The following GALNTL6 variants were observed in gnomAD, a reference collection of about 807,000 sequenced individuals.
The protein encoded by GALNTL6 is polypeptide N-acetylgalactosaminyltransferase like 6.
In GALNTL6, 46 loss-of-function variants were observed where a neutral mutation model predicts 73.7. The ratio of observed to expected loss-of-function variants is 0.62; its 90% CI spans 0.49 to 0.80. The LOEUF (loss-of-function observed/expected upper bound fraction) is 0.80, where lower values mean the gene tolerates loss of function less well. Among genes scored for constraint, GALNTL6 ranks in the 30% least tolerant of loss-of-function variants. The pLI is 0.00. For missense variants in GALNTL6, 604 were observed against 755.0 expected (o/e 0.80, Z 2.34); for synonymous variants, 259 against 263.7 (o/e 0.98, Z 0.17).
intron 5 of GALNTL6, among the ~76,000 whole-genome samples, chr4:172,391,340 T>C (rs1743658866): frequency 6.6e-6 from 1 of 152,126 alleles, no homozygotes; most frequent in East Asian, 1.9e-4. Context: ...TCTATTCTTT[T>C]ACTTTTTATT....
At chr4:172,527,500 A>G (rs1022491998) in intron 5 of GALNTL6, among the ~76,000 whole-genome samples, 8 of 152,226 alleles carry the variant, frequency 5.3e-5, no homozygotes, top group South Asian at 2.1e-4. Flanking sequence ...GAATGGCGAT[A>G]TCTTCATGAT....
At chr4:172,183,376 G>C (rs940085560) in intron 2 of GALNTL6, among the ~76,000 whole-genome samples, 2 of 152,206 alleles carry the variant, frequency 1.3e-5, no homozygotes, top group Non-Finnish European at 2.9e-5. Flanking sequence ...AGAGGAAAGA[G>C]AGTGAACTTA....
At chr4:171,964,836 A>G (rs1490850419) in intron 2 of GALNTL6, among the ~76,000 whole-genome samples, 2 of 152,148 alleles carry the variant, frequency 1.3e-5, no homozygotes, top group Non-Finnish European at 1.5e-5. Flanking sequence ...GCCCAACACC[A>G]TTCCTCTTTC....
At chr4:172,442,389 T>A (rs185472487) in intron 5 of GALNTL6, among the ~76,000 whole-genome samples, 165 of 152,298 alleles carry the variant, frequency 1.1e-3, no homozygotes, top group African/African-American at 3.5e-3. Flanking sequence ...CAGCACCATA[T>A]TGAAACCAGA....
At chr4:172,600,027 CAG>C (rs1737996493) in intron 5 of GALNTL6, among the ~76,000 whole-genome samples, 1 of 152,028 alleles carries the variant, frequency 6.6e-6, no homozygotes, top group Non-Finnish European at 1.5e-5. Context: ...AAAAAGTTAA[CAG>C]GTAAATTTCT....
intron 9 of GALNTL6, among the ~76,000 whole-genome samples, chr4:172,936,115 G>A (rs1412865608): frequency 1.3e-5 from 2 of 152,222 alleles, no homozygotes; most frequent in Non-Finnish European, 2.9e-5. Context: ...TGGGATGCAA[G>A]GCTGCTCAAC....
intron 3 of GALNTL6, among the ~76,000 whole-genome samples, chr4:172,309,135 G>T (rs1346368834): frequency 6.6e-6 from 1 of 151,780 alleles, no homozygotes; most frequent in Admixed American, 6.6e-5. Flanking sequence ...AAAGATTTTT[G>T]TTTCTTTTCC....
At chr4:172,591,741 C>T (rs1383577226) in intron 5 of GALNTL6, among the ~76,000 whole-genome samples, 4 of 152,170 alleles carry the variant, frequency 2.6e-5, no homozygotes, top group Non-Finnish European at 5.9e-5. Context: ...CATCATCTCT[C>T]ATTTCGTAAA....
intron 5 of GALNTL6, among the ~76,000 whole-genome samples, chr4:172,750,448 A>G (rs527676811): frequency 1.3e-5 from 2 of 152,328 alleles, no homozygotes; most frequent in South Asian, 4.1e-4. Context: ...TGATGCCAAC[A>G]TTATTGTCCA....
intron 8 of GALNTL6, among the ~76,000 whole-genome samples, chr4:172,919,484 G>A (rs564607200): frequency 1.3e-5 from 2 of 152,278 alleles, no homozygotes; most frequent in South Asian, 4.2e-4. Flanking sequence ...CACCTGGCCT[G>A]AGTCATGTTC....
intron 9 of GALNTL6, among the ~76,000 whole-genome samples, chr4:172,937,878 A>G (rs1221581430): frequency 6.6e-6 from 1 of 152,218 alleles, no homozygotes; most frequent in African/African-American, 2.4e-5. Flanking sequence ...AATTGAGATT[A>G]TGATGTAACA....
chr4:172,138,256 C>G (rs989457768), intron 2 of GALNTL6, among the ~76,000 whole-genome samples: 4 of 151,068 alleles, frequency 2.6e-5, no homozygotes, highest in Non-Finnish European at 5.9e-5. Flanking sequence ...ATGAATTACG[C>G]AGACCCACAG....
chr4:171,995,526 A>G (rs1474125815), intron 2 of GALNTL6, among the ~76,000 whole-genome samples: 1 of 152,066 alleles, frequency 6.6e-6, no homozygotes, highest in Non-Finnish European at 1.5e-5. Flanking sequence ...TATTCATCTG[A>G]AAAGATATTT....
At chr4:172,855,196 G>GA (rs3087060) in intron 7 of GALNTL6, among the ~76,000 whole-genome samples, 39,029 of 138,800 alleles carry the variant, frequency 0.28, 6,336 homozygotes, top group African/African-American at 0.44. Context: ...ACTTTGAGGT[G>GA]AAAAAAAAAA....
chr4:173,017,584 G>GA (rs1288583162), intron 11 of GALNTL6, among the ~76,000 whole-genome samples: 3 of 152,006 alleles, frequency 2.0e-5, no homozygotes, highest in African/African-American at 7.2e-5. Flanking sequence ...ACCTAAGAGA[G>GA]AAAAAAATGA....
chr4:172,846,245 G>T (rs979791498), intron 7 of GALNTL6, among the ~76,000 whole-genome samples: 1 of 152,066 alleles, frequency 6.6e-6, no homozygotes, highest in Non-Finnish European at 1.5e-5. Context: ...ACTACCAGAA[G>T]CCTATTTAAC....
intron 5 of GALNTL6, among the ~76,000 whole-genome samples, chr4:172,763,290 G>T (rs548232412): frequency 6.6e-6 from 1 of 151,932 alleles, no homozygotes; most frequent in Non-Finnish European, 1.5e-5. Context: ...AAAATAGAAA[G>T]TCCAGGACCT....
intron 3 of GALNTL6, among the ~76,000 whole-genome samples, chr4:172,230,670 A>C (rs1283577471): frequency 6.6e-6 from 1 of 152,174 alleles, no homozygotes; most frequent in African/African-American, 2.4e-5. Flanking sequence ...TCAGAAGGGT[A>C]TATCAGTAGA....
chr4:172,097,982 G>A, intron 2 of GALNTL6, among the ~76,000 whole-genome samples: 1 of 151,906 alleles, frequency 6.6e-6, no homozygotes, highest in Non-Finnish European at 1.5e-5. Flanking sequence ...AATTTCATAG[G>A]AGCACACTTT....
Sources: gnomAD v4.1 joint callset for allele counts (sites outside exome capture counted in the v4.1 genomes callset) on GRCh38, gnomAD v4.1.1 for gene constraint, MANE v1.5 for transcripts, NCBI Gene and HGNC (gene_info 2026-07-23, HGNC 2026-07-21) for gene names.